The following TTC28 variants were observed in gnomAD, a reference collection of about 807,000 sequenced individuals.
TTC28 encodes the protein tetratricopeptide repeat domain 28.
TTC28 carries 61 observed loss-of-function variants against 198.0 expected under a neutral mutation model. The ratio of observed to expected loss-of-function variants is 0.31; its 90% CI spans 0.25 to 0.38. The LOEUF (loss-of-function observed/expected upper bound fraction) is 0.38. TTC28 is among the 10% of genes least tolerant of loss of function. The probability of loss-of-function intolerance (pLI) is 1.00; values close to 1 mark genes in which losing one functional copy is unlikely to be tolerated. For missense variants in TTC28, 2,678 were observed against 3,164.0 expected, an observed-to-expected ratio of 0.85 and a Z score of 3.69; for synonymous variants, 1,171 against 1,297.8, an observed-to-expected ratio of 0.90 and a Z score of 2.10.
chr22:28,377,109 C>A (rs1343660155), intron 2 of TTC28, among the ~76,000 whole-genome samples: 2 of 146,602 alleles, frequency 1.4e-5, no homozygotes, highest in Non-Finnish European at 3.0e-5. Flanking sequence ...GTAAAAAAAC[C>A]CATGTAATAC....
intron 12 of TTC28, among the ~76,000 whole-genome samples, chr22:28,049,561 T>C (rs1429937914): frequency 6.6e-6 from 1 of 152,118 alleles, no homozygotes. Context: ...TGGTCCGAAA[T>C]CCATGGCACC....
intron 2 of TTC28, among the ~76,000 whole-genome samples, chr22:28,414,413 G>GA (rs1419094660): frequency 3.3e-5 from 5 of 152,168 alleles, no homozygotes; most frequent in Admixed American, 2.0e-4. Flanking sequence ...ATGTTCTAGG[G>GA]AGACAGTTCT....
chr22:28,589,096 C>T (rs1348513666), intron 2 of TTC28, among the ~76,000 whole-genome samples: 1 of 152,158 alleles, frequency 6.6e-6, no homozygotes, highest in Non-Finnish European at 1.5e-5. Flanking sequence ...TTGAAGTACT[C>T]TGAAATGAGA....
chr22:28,477,530 C>A (rs749882889), intron 2 of TTC28, among the ~76,000 whole-genome samples: 13 of 152,232 alleles, frequency 8.5e-5, no homozygotes, highest in Middle Eastern at 3.4e-3. Flanking sequence ...GACATGAGGG[C>A]GGAATCTAGA....
intron 12 of TTC28, among the ~76,000 whole-genome samples, chr22:28,041,504 T>C (rs1426080154): frequency 6.6e-6 from 1 of 152,102 alleles, no homozygotes; most frequent in Non-Finnish European, 1.5e-5. Flanking sequence ...ATTTAATAAA[T>C]GGTGCTGGGA....
chr22:28,196,585 T>C (rs1011093715), intron 5 of TTC28, among the ~76,000 whole-genome samples: 7 of 151,918 alleles, frequency 4.6e-5, no homozygotes, highest in Non-Finnish European at 7.4e-5. Flanking sequence ...CTCCAACAAA[T>C]TTACAAGAAA....
At chr22:28,580,679 T>C (rs896148144) in intron 2 of TTC28, among the ~76,000 whole-genome samples, 1 of 152,260 alleles carries the variant, frequency 6.6e-6, no homozygotes, top group Non-Finnish European at 1.5e-5. Context: ...ATATTCTTCC[T>C]ACTGAATGTA....
intron 12 of TTC28, among the ~76,000 whole-genome samples, chr22:28,032,806 C>T (rs929340145): frequency 6.6e-6 from 1 of 152,156 alleles, no homozygotes; most frequent in Non-Finnish European, 1.5e-5. Context: ...TTGACTTCAA[C>T]AGGCAGGGGC....
chr22:28,099,511 C>T (rs540767126), intron 9 of TTC28, among the ~76,000 whole-genome samples: 1 of 152,326 alleles, frequency 6.6e-6, no homozygotes, highest in South Asian at 2.1e-4. Context: ...ACCTGCCACT[C>T]GCCCACTGAC....
chr22:28,088,678 T>C (rs1941709385), intron 12 of TTC28, among the ~76,000 whole-genome samples: 2 of 152,090 alleles, frequency 1.3e-5, no homozygotes, highest in African/African-American at 4.8e-5. Flanking sequence ...CTAATTAAAC[T>C]AAAGAGCTTC....
intron 2 of TTC28, among the ~76,000 whole-genome samples, chr22:28,428,795 C>A (rs940802628): frequency 6.6e-6 from 1 of 151,848 alleles, no homozygotes; most frequent in Non-Finnish European, 1.5e-5. Context: ...CCCGCCACCA[C>A]GCCCGGCTAA....
intron 14 of TTC28, among the ~76,000 whole-genome samples, chr22:28,004,281 G>A (rs866485076): frequency 6.6e-5 from 10 of 152,172 alleles, no homozygotes; most frequent in Non-Finnish European, 1.3e-4. Flanking sequence ...GTCAGGACCC[G>A]CCATGCCTTC....
chr22:28,470,711 CCAAGAAAAGTACGTTTGTA>C, intron 2 of TTC28, among the ~76,000 whole-genome samples: 2 of 152,084 alleles, frequency 1.3e-5, no homozygotes, highest in Middle Eastern at 6.8e-3. Context: ...GAATTGGAGT[CCAAGAAAAGTACGTTTGTA>C]AGAAGGAAGT....
chr22:28,566,503 C>T lies in TTC28; in HGVS notation c.381+63049G>A, dbSNP rs1256951231. Among the ~76,000 whole-genome samples, 3 of 152,064 alleles carry T rather than the reference C, an allele frequency of 2.0e-5. No homozygotes were observed. The East Asian group carries it at 5.8e-4, about 29-fold the overall frequency. ...GTAACAGGCTTGTGAAAGATTAGAG[C>T]CACTACAAAAAATAAGGAAGCTATA... On this transcript the variant is annotated intron_variant, in intron 2 of 22. Coordinates refer to ENST00000397906, the MANE Select transcript of TTC28 (RefSeq NM_001145418.2).
At chr22:28,645,764 T>C (rs1419874748) in intron 1 of TTC28, among the ~76,000 whole-genome samples, 1 of 152,094 alleles carries the variant, frequency 6.6e-6, no homozygotes, top group African/African-American at 2.4e-5. Flanking sequence ...ATATGATCAT[T>C]TCAAAAGACA....
At chr22:28,311,334 A>G (rs1418746191) in intron 2 of TTC28, among the ~76,000 whole-genome samples, 1 of 152,044 alleles carries the variant, frequency 6.6e-6, no homozygotes, top group East Asian at 1.9e-4. Flanking sequence ...AGCACCACTG[A>G]TTTATAATTT....
chr22:28,164,568 C>T (rs1050692208), intron 5 of TTC28, among the ~76,000 whole-genome samples: 1 of 152,194 alleles, frequency 6.6e-6, no homozygotes, highest in African/African-American at 2.4e-5. Flanking sequence ...CTCCAACACA[C>T]CTGCAGCTGA....
At chr22:28,470,787 A>C (rs751529772) in intron 2 of TTC28, among the ~76,000 whole-genome samples, 1 of 152,242 alleles carries the variant, frequency 6.6e-6, no homozygotes, top group Non-Finnish European at 1.5e-5. Context: ...GGCAAAAATC[A>C]GTAAGGCAAT....
At chr22:28,322,946 T>G in intron 2 of TTC28, among the ~76,000 whole-genome samples, 1 of 152,204 alleles carries the variant, frequency 6.6e-6, no homozygotes, top group East Asian at 1.9e-4. Context: ...TGCTTCAGTC[T>G]TCAACATTTT....
Sources: gnomAD v4.1 joint callset for allele counts (sites outside exome capture counted in the v4.1 genomes callset) on GRCh38, gnomAD v4.1.1 for gene constraint, MANE v1.5 for transcripts, NCBI Gene and HGNC (gene_info 2026-07-23, HGNC 2026-07-21) for gene names.